YTHDC2: variants seen among roughly 807,000 people sequenced by gnomAD.
YTHDC2 encodes YTH N6-methyladenosine RNA binding protein C2, also known as 3'-5' RNA helicase YTHDC2.
In YTHDC2, 45 loss-of-function variants were observed where a neutral mutation model predicts 174.9. The ratio of observed to expected loss-of-function variants is 0.26; its 90% CI spans 0.20 to 0.33. The LOEUF is 0.33. Ranked by LOEUF, YTHDC2 falls within the 10% of genes least tolerant of loss-of-function variation. YTHDC2 has a pLI of 1.00. For missense variants in YTHDC2, 1,650 were observed against 1,723.7 expected (o/e 0.96, Z 0.76); for synonymous variants, 657 against 574.5 (o/e 1.14, Z -2.05).
intron 24 of YTHDC2, chr5:113,581,122 A>C: frequency 4.4e-6 from 1 of 228,990 alleles, no homozygotes; most frequent in Non-Finnish European, 8.4e-6. Context: ...TATGAGCTAC[A>C]TATATTTTTA....
Position 113,548,966 on chromosome 5 carries a change from A to G in YTHDC2, c.1634A>G (p.Asp545Gly). The G allele has an allele frequency of 6.2e-7, 1 of 1,612,450 alleles. No homozygotes were observed. Among genetic ancestry groups the G allele is most frequent in the Non-Finnish European group, 8.5e-7 (1 of 1,179,220 alleles). Reference sequence around the variant, plus strand: ...TTGAATTTTGGCAGGATGGCATTGGATTGGGCTAAACACTTTGGGCAGACT... The same window carrying G: ...TTGAATTTTGGCAGGATGGCATTGGGTTGGGCTAAACACTTTGGGCAGACT... ...SKASNGWMAL[D>G]WAKHFGQTEI... The change falls in exon 12 of 30, where the codon GAT becomes GGT. Residue 545 changes from aspartate to glycine, a missense_variant. Transcript: ENST00000161863.
At position 113,545,826 on chromosome 5, in the gene YTHDC2, C is replaced by T. The variant is rs1236738769; in HGVS notation, c.1496-2715C>T. Among the ~76,000 whole-genome samples, 8 of 96,090 alleles carry T rather than the reference C, an allele frequency of 8.3e-5. 2 individuals carry two copies. Among genetic ancestry groups the T allele is most frequent in the African/African-American group, 5.6e-4 (8 of 14,250 alleles). 63.0% of individuals were successfully genotyped at this position (96,090 alleles called of 152,430 possible). ...CGGGATCTCGGCTCACTGCAAGCTCCGCCTCCCGGGTTCACGCCATTCTCC... is the reference window on the plus strand; with the variant it reads ...CGGGATCTCGGCTCACTGCAAGCTCTGCCTCCCGGGTTCACGCCATTCTCC... On this transcript the variant is annotated intron_variant, in intron 10 of 29. Transcript: ENST00000161863.
chr5:113,592,251 G>A, intron 28 of YTHDC2, 73 bp downstream of exon 28: 1 of 1,401,600 alleles, frequency 7.1e-7, no homozygotes, highest in Non-Finnish European at 9.5e-7. Context: ...CTTTAATTGA[G>A]GAGAAAATGT....
intron 10 of YTHDC2, among the ~76,000 whole-genome samples, chr5:113,543,328 A>T (rs1282154401): frequency 6.6e-6 from 1 of 152,182 alleles, no homozygotes; most frequent in Non-Finnish European, 1.5e-5. Context: ...ACTATCATTC[A>T]CCTAGTTGCT....
rs373908270 is a variant in YTHDC2, at chr5:113,584,266, A to G, written c.3648-36A>G. ...ACTGATCTTTGTATGACGAACTTAT[A>G]TATAACTGATCTTTGCTTCCTCCTT... is the stretch of plus-strand genomic sequence containing the variant. On this transcript the variant is annotated intron_variant, in intron 25 of 29. Coordinates refer to ENST00000161863, the MANE Select transcript of YTHDC2 (RefSeq NM_022828.5). 6.5e-4 allele frequency: 1,017 copies of G among 1,572,496 alleles called. 5 individuals carry two copies. Among genetic ancestry groups the G allele is most frequent in the South Asian group, 5.1e-3 (435 of 85,200 alleles).
intron 20 of YTHDC2, among the ~76,000 whole-genome samples, chr5:113,565,312 G>C (rs898810171): frequency 6.6e-6 from 1 of 152,148 alleles, no homozygotes; most frequent in Non-Finnish European, 1.5e-5. Flanking sequence ...AGTAGAGGGA[G>C]ATTTAGAGTA....
chr5:113,555,764 C>T (rs1378000900), intron 16 of YTHDC2, among the ~76,000 whole-genome samples: 1 of 152,170 alleles, frequency 6.6e-6, no homozygotes, highest in Non-Finnish European at 1.5e-5. Context: ...CTTATGAGAA[C>T]TGGCTGCCAT....
At chr5:113,540,927 A>G in intron 8 of YTHDC2, 41 bp from the exon 9 acceptor site, 2 of 1,569,464 alleles carry the variant, frequency 1.3e-6, no homozygotes, top group East Asian at 2.3e-5. Flanking sequence ...TCAAAAAGGA[A>G]ATGATTTGTC....
At chr5:113,514,951 A>G (rs1213295578) in intron 1 of YTHDC2, among the ~76,000 whole-genome samples, 3 of 152,252 alleles carry the variant, frequency 2.0e-5, no homozygotes, top group Admixed American at 1.3e-4. Context: ...TTCAGTCATT[A>G]TACCAACTCA....
intron 26 of YTHDC2, among the ~76,000 whole-genome samples, chr5:113,590,302 T>C (rs948304072): frequency 7.9e-5 from 12 of 152,236 alleles, no homozygotes; most frequent in Non-Finnish European, 1.8e-4. Context: ...GCAGTCTTTA[T>C]TCTGTTATTA....
chr5:113,517,130 A>G (rs995808047), intron 2 of YTHDC2, among the ~76,000 whole-genome samples: 3 of 152,254 alleles, frequency 2.0e-5, no homozygotes, highest in Admixed American at 6.5e-5. Context: ...CTAATAAAAT[A>G]TGGCCATCAC....
At chr5:113,538,566 A>G (rs1324526316) in intron 7 of YTHDC2, among the ~76,000 whole-genome samples, 2 of 151,858 alleles carry the variant, frequency 1.3e-5, no homozygotes, top group East Asian at 1.9e-4. Context: ...TACACTTTTT[A>G]TTCTTTTCAT....
At chr5:113,532,230 A>G (rs1774722794) in intron 4 of YTHDC2, among the ~76,000 whole-genome samples, 1 of 152,224 alleles carries the variant, frequency 6.6e-6, no homozygotes, top group African/African-American at 2.4e-5. Context: ...TTGCATGGAT[A>G]AAAATCATGC....
intron 28 of YTHDC2, chr5:113,592,658 C>G (rs1202917160): frequency 6.6e-6 from 1 of 152,588 alleles, no homozygotes; most frequent in Non-Finnish European, 1.5e-5. Flanking sequence ...TAAGGTCACA[C>G]AGCTAATAAT....
At chr5:113,590,082 A>C (rs1473267753) in intron 26 of YTHDC2, among the ~76,000 whole-genome samples, 1 of 152,186 alleles carries the variant, frequency 6.6e-6, no homozygotes, top group Non-Finnish European at 1.5e-5. Flanking sequence ...CAGAGTCTCA[A>C]GATGACAACA....
At chr5:113,558,944 C>T (rs1184333124) in intron 17 of YTHDC2, among the ~76,000 whole-genome samples, 1 of 147,626 alleles carries the variant, frequency 6.8e-6, no homozygotes, top group African/African-American at 2.5e-5. Flanking sequence ...AAAAGAAAAT[C>T]TAAGTAGAGC....
chr5:113,547,711 C>A (rs1348291488), intron 10 of YTHDC2, among the ~76,000 whole-genome samples: 6 of 152,042 alleles, frequency 3.9e-5, no homozygotes, highest in Non-Finnish European at 7.4e-5. Context: ...CTCTGCCTCA[C>A]TTTAAAAGAA....
intron 3 of YTHDC2, 106 bp from the exon 4 acceptor site, chr5:113,526,480 G>A (rs1774245469): frequency 1.3e-6 from 1 of 788,750 alleles, no homozygotes; most frequent in African/African-American, 1.8e-5. Flanking sequence ...TAGAAATTAT[G>A]TCTTTTGGCA....
chr5:113,514,596 G>A (rs1475120853), intron 1 of YTHDC2, among the ~76,000 whole-genome samples: 1 of 152,088 alleles, frequency 6.6e-6, no homozygotes, highest in Non-Finnish European at 1.5e-5. Flanking sequence ...ACTTGTCTTG[G>A]GTCATATAAT....
Sources: gnomAD v4.1 joint callset for allele counts (sites outside exome capture counted in the v4.1 genomes callset) on GRCh38, gnomAD v4.1.1 for gene constraint, MANE v1.5 for transcripts, NCBI Gene and HGNC (gene_info 2026-07-23, HGNC 2026-07-21) for gene names.